The following GALNT13 variants were observed in gnomAD, a reference collection of about 807,000 sequenced individuals.
GALNT13 encodes UDP-GalNAc:polypeptide N-acetylgalactosaminyltransferase 13.
Under a neutral mutation model 64.2 loss-of-function variants are expected in GALNT13, and 28 were observed. That is an observed-to-expected ratio of 0.44 (90% CI 0.32 to 0.60). The LOEUF is 0.60. GALNT13 is among the 20% of genes least tolerant of loss of function. The pLI, the probability that GALNT13 is intolerant of heterozygous loss-of-function variation, is 0.05. For synonymous variants in GALNT13, 214 were observed against 224.6 expected, an observed-to-expected ratio of 0.95 and a Z score of 0.42; for missense variants, 577 against 669.8, an observed-to-expected ratio of 0.86 and a Z score of 1.53.
At chr2:153,786,119 C>T in the GALNT13 span, among the ~76,000 whole-genome samples, 1 of 152,050 alleles carries the variant, frequency 6.6e-6, no homozygotes, top group Admixed American at 6.5e-5. Context: ...GCAGGGCTGC[C>T]TGATATGGGA....
At chr2:153,184,071 C>T in the GALNT13 span, among the ~76,000 whole-genome samples, 1 of 152,086 alleles carries the variant, frequency 6.6e-6, no homozygotes, top group Admixed American at 6.5e-5. Flanking sequence ...ACAGTATTGC[C>T]GTTTTCATGA....
intron 3 of GALNT13, among the ~76,000 whole-genome samples, chr2:153,987,377 G>T (rs1694871363): frequency 6.6e-6 from 1 of 151,536 alleles, no homozygotes; most frequent in South Asian, 2.1e-4. Flanking sequence ...AAGGGAGAGG[G>T]GCCTTTACTG....
intron 4 of GALNT13, among the ~76,000 whole-genome samples, chr2:154,186,578 C>G (rs1686263786): frequency 6.6e-6 from 1 of 152,132 alleles, no homozygotes; most frequent in Non-Finnish European, 1.5e-5. Context: ...AATGTCAACT[C>G]TGTGACAAAG....
intron 3 of GALNT13, among the ~76,000 whole-genome samples, chr2:154,030,934 G>A (rs531812846): frequency 7.9e-5 from 12 of 152,210 alleles, no homozygotes; most frequent in Middle Eastern, 3.4e-3. Context: ...CTTTACAGCA[G>A]TGTGAAAACA....
At chr2:153,999,416 A>G (rs1276032684) in intron 3 of GALNT13, among the ~76,000 whole-genome samples, 2 of 151,912 alleles carry the variant, frequency 1.3e-5, no homozygotes, top group Non-Finnish European at 2.9e-5. Context: ...AAAACTATAA[A>G]CTTTTCCCTA....
chr2:153,627,388 A>T, the GALNT13 span, among the ~76,000 whole-genome samples: 1 of 152,138 alleles, frequency 6.6e-6, no homozygotes, highest in South Asian at 2.1e-4. Flanking sequence ...ATAAGTAGAT[A>T]TTCTTTTAAA....
the GALNT13 span, among the ~76,000 whole-genome samples, chr2:153,504,289 T>C: frequency 6.6e-6 from 1 of 152,140 alleles, no homozygotes; most frequent in Admixed American, 6.5e-5. Context: ...TTTGGATGAG[T>C]CTTTAGAGCT....
chr2:153,676,964 AACAAG>A, the GALNT13 span, among the ~76,000 whole-genome samples: 1 of 151,852 alleles, frequency 6.6e-6, no homozygotes, highest in Non-Finnish European at 1.5e-5. Flanking sequence ...CTGGAGCTGG[AACAAG>A]ACAAGCATGG....
At chr2:153,169,732 T>C in the GALNT13 span, among the ~76,000 whole-genome samples, 3 of 152,114 alleles carry the variant, frequency 2.0e-5, no homozygotes, top group Non-Finnish European at 4.4e-5. Flanking sequence ...GACAGACACA[T>C]AGAGTTGAAA....
intron 4 of GALNT13, among the ~76,000 whole-genome samples, chr2:154,158,450 G>A (rs1312710312): frequency 2.0e-5 from 3 of 152,040 alleles, no homozygotes; most frequent in African/African-American, 4.8e-5. Context: ...AATCATTGTA[G>A]CAATCTACTA....
chr2:153,521,814 T>C, the GALNT13 span, among the ~76,000 whole-genome samples: 1 of 152,298 alleles, frequency 6.6e-6, no homozygotes, highest in African/African-American at 2.4e-5. Flanking sequence ...CAAATTGATC[T>C]CTTTCCCTTA....
At chr2:154,446,906 T>C in intron 12 of GALNT13, 1 of 799,862 alleles carries the variant, frequency 1.3e-6, no homozygotes, top group Non-Finnish European at 1.8e-6. Flanking sequence ...GTCTTTTACT[T>C]CCTAGCTACT....
chr2:154,446,585 T>C (rs1485957119), intron 12 of GALNT13: 2 of 1,543,956 alleles, frequency 1.3e-6, no homozygotes, highest in Admixed American at 4.0e-5. Flanking sequence ...CTCTTCTTCA[T>C]ATAATCACCC....
At chr2:153,719,520 G>C in the GALNT13 span, among the ~76,000 whole-genome samples, 37 of 152,146 alleles carry the variant, frequency 2.4e-4, no homozygotes, top group Non-Finnish European at 4.7e-4. Flanking sequence ...CGCAGAAGAC[G>C]GGTGATTTCT....
chr2:154,367,297 A>G (rs979493959), intron 9 of GALNT13, among the ~76,000 whole-genome samples: 12 of 152,190 alleles, frequency 7.9e-5, no homozygotes, highest in African/African-American at 2.2e-4. Flanking sequence ...AACTTTGTCA[A>G]TCCCCTCTCT....
chr2:154,257,458 TTA>T (rs1475110425), intron 7 of GALNT13: 1 of 152,164 alleles, frequency 6.6e-6, no homozygotes, highest in African/African-American at 2.4e-5. Context: ...CTGTAATATG[TTA>T]TATAGTTATT....
the GALNT13 span, among the ~76,000 whole-genome samples, chr2:153,822,623 G>A: frequency 6.6e-6 from 1 of 152,034 alleles, no homozygotes. Flanking sequence ...AAGCCAACAT[G>A]TACTGAATGG....
the GALNT13 span, among the ~76,000 whole-genome samples, chr2:153,568,831 G>A: frequency 6.6e-6 from 1 of 152,146 alleles, no homozygotes; most frequent in African/African-American, 2.4e-5. Flanking sequence ...ATTAGTTAAT[G>A]GATTAGTTTT....
At chr2:153,599,040 C>T in the GALNT13 span, among the ~76,000 whole-genome samples, 1 of 151,996 alleles carries the variant, frequency 6.6e-6, no homozygotes, top group Non-Finnish European at 1.5e-5. Context: ...GAAACTCAAT[C>T]TTCCATGGTA....
Sources: allele counts gnomAD v4.1 joint callset (sites outside exome capture counted in the v4.1 genomes callset), GRCh38; gene constraint gnomAD v4.1.1; transcripts MANE v1.5; gene names NCBI Gene and HGNC (gene_info 2026-07-23, HGNC 2026-07-21).